ABCB1: variants seen among roughly 807,000 people sequenced by gnomAD.
ABCB1 encodes the protein ATP-dependent translocase ABCB1.
In ABCB1, 69 loss-of-function variants were observed where a neutral mutation model predicts 142.0. The observed-to-expected ratio is 0.49, with a 90% CI of 0.40 to 0.59. The LOEUF is 0.59. Among genes scored for constraint, ABCB1 ranks in the 20% least tolerant of loss-of-function variants. The pLI is 0.00. For synonymous variants in ABCB1, 532 were observed against 539.2 expected (o/e 0.99, Z 0.18); for missense variants, 1,326 against 1,554.7 (o/e 0.85, Z 2.47).
intron 21 of ABCB1, chr7:87,521,694 C>T (rs1481131816): frequency 8.3e-6 from 8 of 959,706 alleles, no homozygotes; most frequent in Non-Finnish European, 1.3e-5. Context: ...CAAGGCCATA[C>T]AAGGTGGATG....
At chr7:87,672,403 C>T (rs1361032987) in intron 1 of ABCB1, among the ~76,000 whole-genome samples, 1 of 152,132 alleles carries the variant, frequency 6.6e-6, no homozygotes, top group Non-Finnish European at 1.5e-5. Flanking sequence ...CTGGACGCTC[C>T]TCCCTAGGGA....
chr7:87,535,410 G>A (rs1412150768), intron 20 of ABCB1, among the ~76,000 whole-genome samples: 1 of 149,672 alleles, frequency 6.7e-6, no homozygotes, highest in Non-Finnish European at 1.5e-5. Flanking sequence ...TCTCAGCTCT[G>A]CAACCTCCAC....
At chr7:87,657,286 A>C (rs376485789) in intron 1 of ABCB1, among the ~76,000 whole-genome samples, 3 of 152,164 alleles carry the variant, frequency 2.0e-5, no homozygotes, top group Admixed American at 6.5e-5. Context: ...AAAGGGAAAA[A>C]AACAACAACA....
chr7:87,519,614 A>G (rs1321915236), intron 22 of ABCB1, 148 bp from the exon 23 acceptor site: 3 of 874,588 alleles, frequency 3.4e-6, no homozygotes, highest in Middle Eastern at 2.9e-4. Flanking sequence ...CTCACTTTAC[A>G]CTTAACAGTT....
At chr7:87,626,220 A>G (rs1436972602) in intron 1 of ABCB1, among the ~76,000 whole-genome samples, 15 of 97,736 alleles carry the variant, frequency 1.5e-4, no homozygotes, top group Admixed American at 3.2e-4. Context: ...TGTGTCATAT[A>G]TATGTCATAT....
In ABCB1 at chr7:87,516,529, T is replaced by C. The variant is rs1386411918; in HGVS notation, c.3064A>G (p.Ser1022Gly). The C allele has an allele frequency of 6.2e-7, 1 of 1,614,224 alleles. No individual in the cohort carries two copies. Among genetic ancestry groups the C allele is most frequent in the Non-Finnish European group, 8.5e-7 (1 of 1,180,028 alleles). Residue 1022 changes from serine to glycine, a missense_variant, in exon 24 of 28, where the codon AGC becomes GGC. Coordinates refer to ENST00000622132, the MANE Select transcript of ABCB1 (RefSeq NM_001348946.2). ...IEKTPLIDSY[S>G]TEGLMPNTLE... ...CTCACCGGCATTAGGCCTTCCGTGC[T>C]GTAGCTGTCAATCAAAGGGGTTTTT...
chr7:87,574,900 T>C (rs905688750), intron 4 of ABCB1, among the ~76,000 whole-genome samples: 3 of 152,216 alleles, frequency 2.0e-5, no homozygotes, highest in African/African-American at 7.2e-5. Context: ...ATCTAGTTTA[T>C]CTTTATATAT....
intron 25 of ABCB1, among the ~76,000 whole-genome samples, chr7:87,514,849 C>T (rs1453982559): frequency 6.6e-6 from 1 of 152,232 alleles, no homozygotes; most frequent in Non-Finnish European, 1.5e-5. Context: ...TCTATACCAT[C>T]TGTCATTGCT....
intron 9 of ABCB1, 44 bp downstream of exon 9, chr7:87,553,717 G>A (rs746562940): frequency 6.3e-7 from 1 of 1,575,658 alleles, no homozygotes; most frequent in South Asian, 1.1e-5. Flanking sequence ...GGATTTCATT[G>A]GCATTTTATA....
Position 87,534,434 on chromosome 7 carries a change from G to A in ABCB1, c.2481+2024C>T, listed in dbSNP as rs141833050. Among the ~76,000 whole-genome samples the A allele has an allele frequency of 2.9e-4, 44 of 152,254 alleles. No individual in the cohort carries two copies. In the East Asian group the frequency reaches 7.9e-3, roughly 27 times the overall value. On this transcript the variant is annotated intron_variant, in intron 20 of 27. Transcript: ENST00000622132. ...TGTGAGGACCAAAATGAATGGAGAA[G>A]CATAGTAAAACTTATTTAGTAAACC...
intron 1 of ABCB1, among the ~76,000 whole-genome samples, chr7:87,651,278 ATTTG>A (rs775600065): frequency 1.4e-4 from 21 of 152,248 alleles, no homozygotes; most frequent in Non-Finnish European, 2.6e-4. Flanking sequence ...CATTATGTTT[ATTTG>A]TTTAGCATCT....
At position 87,674,976 on chromosome 7, in the gene ABCB1, C is replaced by T. The variant is rs564786508; in HGVS notation, c.-331+38185G>A. ...CCTGTGCCAAGCCCTCTTGGTTTTG[C>T]ACAGGCTGGAGCCCTGTACCTACAG... On this transcript the variant is annotated intron_variant, in intron 1 of 28. Transcript: ENST00000265724. Among the ~76,000 whole-genome samples the T allele has an allele frequency of 8.0e-4, 122 of 152,336 alleles. 5 individuals carry two copies. The South Asian group carries it at 0.025, about 32-fold the overall frequency.
intron 21 of ABCB1, among the ~76,000 whole-genome samples, chr7:87,528,246 G>C (rs1815883199): frequency 1.3e-5 from 2 of 152,260 alleles, no homozygotes; most frequent in Middle Eastern, 6.8e-3. Flanking sequence ...TTGTTGACAT[G>C]TGTCTTGACT....
At chr7:87,533,761 T>C (rs372360911) in intron 20 of ABCB1, among the ~76,000 whole-genome samples, 1 of 152,106 alleles carries the variant, frequency 6.6e-6, no homozygotes, top group African/African-American at 2.4e-5. Context: ...CAGCTAGTGG[T>C]GTAAAGTAGA....
chr7:87,514,956 T>C (rs1386593641), intron 25 of ABCB1, among the ~76,000 whole-genome samples: 1 of 152,176 alleles, frequency 6.6e-6, no homozygotes, highest in Non-Finnish European at 1.5e-5. Flanking sequence ...TGTTGGTTCT[T>C]TTCAAGTCAG....
intron 21 of ABCB1, among the ~76,000 whole-genome samples, chr7:87,530,399 T>C (rs1815983399): frequency 6.6e-6 from 1 of 151,998 alleles, no homozygotes; most frequent in African/African-American, 2.4e-5. Context: ...GAATCCCAGC[T>C]CCAAGACCTA....
At chr7:87,645,490 A>G (rs1460057732) in intron 1 of ABCB1, among the ~76,000 whole-genome samples, 1 of 152,128 alleles carries the variant, frequency 6.6e-6, no homozygotes, top group Non-Finnish European at 1.5e-5. Flanking sequence ...CAAAATCTTA[A>G]TTATAAGTCT....
chr7:87,536,963 G>T, intron 19 of ABCB1: 1 of 229,102 alleles, frequency 4.4e-6, no homozygotes, highest in South Asian at 6.2e-5. Flanking sequence ...ACAGAGGCCT[G>T]AATGAAGGAA....
In ABCB1 at chr7:87,504,575, A is replaced by G. The variant is rs113430923; in HGVS notation, c.3637-126T>C. 3.5e-4 allele frequency: 448 copies of G among 1,268,046 alleles called. 3 individuals carry two copies. Among genetic ancestry groups the G allele is most frequent in the Middle Eastern group, 2.6e-3 (10 of 3,884 alleles). The allele number at this position is 1,268,046 out of a possible 1,614,324, so 78.5% of individuals were successfully genotyped here. On this transcript the variant is annotated intron_variant, in intron 27 of 27. Transcript: ENST00000622132. ...TGTAATCCCAGCACTTTGGGAGGCC[A>G]AGGCGGGCAGATCACAAGGTCAGAT...
Sources: gnomAD v4.1 joint callset for allele counts (sites outside exome capture counted in the v4.1 genomes callset) on GRCh38, gnomAD v4.1.1 for gene constraint, MANE v1.5 for transcripts, NCBI Gene and HGNC (gene_info 2026-07-23, HGNC 2026-07-21) for gene names.